The following LYSMD2 variants were observed in gnomAD, a reference collection of about 807,000 sequenced individuals.
The protein encoded by LYSMD2 is lysM and putative peptidoglycan-binding domain-containing protein 2.
LYSMD2 carries 6 observed loss-of-function variants against 17.7 expected under a neutral mutation model. The ratio of observed to expected loss-of-function variants is 0.34; its 90% CI spans 0.19 to 0.67. The LOEUF is 0.67. Among genes scored for constraint, LYSMD2 ranks in the 30% least tolerant of loss-of-function variants. The probability of loss-of-function intolerance (pLI) is 0.69; values close to 1 mark genes in which losing one functional copy is unlikely to be tolerated. For synonymous variants in LYSMD2, 102 were observed against 129.8 expected, an observed-to-expected ratio of 0.79 and a Z score of 1.45; for missense variants, 237 against 286.7, an observed-to-expected ratio of 0.83 and a Z score of 1.25.
At chr15:51,743,757 T>C (rs2055654115) in intron 1 of LYSMD2, among the ~76,000 whole-genome samples, 1 of 152,236 alleles carries the variant, frequency 6.6e-6, no homozygotes. Context: ...GAACATGGAA[T>C]ACCTCCCCAT....
At chr15:51,747,875 T>C (rs982728901) in intron 1 of LYSMD2, among the ~76,000 whole-genome samples, 1 of 152,244 alleles carries the variant, frequency 6.6e-6, no homozygotes. Context: ...ACTGCTCCTT[T>C]AGTCTTTATC....
At chr15:51,731,798 C>A (rs895861868) in intron 1 of LYSMD2, among the ~76,000 whole-genome samples, 2 of 152,146 alleles carry the variant, frequency 1.3e-5, no homozygotes, top group Non-Finnish European at 2.9e-5. Flanking sequence ...TGGTCAATTT[C>A]CTCCAGAGGC....
In LYSMD2 at chr15:51,737,053, G is replaced by A. The variant is rs566196884; in HGVS notation, c.273+297C>T. On this transcript the variant is annotated intron_variant, in intron 1 of 2. Coordinates refer to ENST00000267838, the MANE Select transcript of LYSMD2 (RefSeq NM_153374.3). The surrounding 1 kb of genome is among the most constrained non-coding windows in gnomAD (Gnocchi z 4.2). Reference sequence around the variant, plus strand: ...CCTCTTCGGCCTCCCTCACGCGACAGATCTAGTCTGAGCCTGGGCGGGGCA... The same window carrying A: ...CCTCTTCGGCCTCCCTCACGCGACAAATCTAGTCTGAGCCTGGGCGGGGCA... Among the ~76,000 whole-genome samples, 7 of 152,238 alleles carry A rather than the reference G, an allele frequency of 4.6e-5. No individual in the cohort carries two copies. Among genetic ancestry groups the A allele is most frequent in the African/African-American group, 1.7e-4 (7 of 41,472 alleles).
chr15:51,742,236 C>T (rs955307586), upstream of LYSMD2, among the ~76,000 whole-genome samples: 1 of 152,056 alleles, frequency 6.6e-6, no homozygotes, highest in Non-Finnish European at 1.5e-5. Flanking sequence ...GATGGGGTTT[C>T]GCCATGTTGG....
At position 51,751,373 on chromosome 15, in the gene LYSMD2, A is replaced by G; in HGVS notation, c.-103T>C. The G allele has an allele frequency of 8.5e-6, 6 of 702,370 alleles. No homozygotes were observed. In the South Asian group the frequency reaches 8.9e-5, roughly 10 times the overall value. The allele number at this position is 702,370 out of a possible 1,614,324, so 43.5% of individuals were successfully genotyped here. A position where few individuals can be genotyped will look rare whatever the true frequency, so the allele number is the denominator to read the frequency against. Reference sequence around the variant, plus strand: ...GCCATCCACGCTCTCCGGAGCCCCGAGCGTCTCCAAAGAGCCTGCCCAGGC... The same window carrying G: ...GCCATCCACGCTCTCCGGAGCCCCGGGCGTCTCCAAAGAGCCTGCCCAGGC... On this transcript the variant is annotated 5_prime_UTR_variant, in exon 1 of 3. Coordinates refer to the LYSMD2 transcript ENST00000454181.
chr15:51,731,063 G>C (rs974703793), intron 1 of LYSMD2, among the ~76,000 whole-genome samples: 1 of 152,232 alleles, frequency 6.6e-6, no homozygotes, highest in South Asian at 2.1e-4. Context: ...ATTGGTGGTA[G>C]TCTGAGACTG....
intron 1 of LYSMD2, among the ~76,000 whole-genome samples, chr15:51,733,033 T>A: frequency 6.6e-6 from 1 of 152,180 alleles, no homozygotes; most frequent in Non-Finnish European, 1.5e-5. Context: ...CTTACAATGG[T>A]CTTCAAGGTC....
intron 1 of LYSMD2, among the ~76,000 whole-genome samples, chr15:51,733,210 T>C (rs1019847013): frequency 6.6e-6 from 1 of 151,920 alleles, no homozygotes; most frequent in African/African-American, 2.4e-5. Context: ...CCTTACCTCC[T>C]TCTCAGCAAG....
At chr15:51,742,599 G>C (rs190338536), upstream of LYSMD2, among the ~76,000 whole-genome samples, 3 of 152,146 alleles carry the variant, frequency 2.0e-5, no homozygotes, top group Non-Finnish European at 4.4e-5. Flanking sequence ...TTGTTTCCCA[G>C]TCTGTGGCTT....
chr15:51,741,834 C>A (rs1392152737), upstream of LYSMD2, among the ~76,000 whole-genome samples: 1 of 151,866 alleles, frequency 6.6e-6, no homozygotes, highest in East Asian at 1.9e-4. Flanking sequence ...GCAGAAGAAT[C>A]GCTTGAACCT....
At chr15:51,729,346 G>A (rs73405351) in intron 1 of LYSMD2, among the ~76,000 whole-genome samples, 1,542 of 152,348 alleles carry the variant, frequency 0.01, 17 homozygotes, top group African/African-American at 0.022. Context: ...TCAGCAGCTG[G>A]GTGCAGAAAA....
Position 51,724,976 on chromosome 15 carries a change from T to A in LYSMD2, c.419A>T (p.Asp140Val), listed in dbSNP as rs370464149. The change falls in exon 2 of 3, where the codon GAT becomes GTT. Residue 140 changes from aspartate to valine, a missense_variant. Physicochemically the swap from Asp to Val is radical, Grantham distance 152. Transcript: ENST00000267838. ...SIDSPENETADNSFSQEEEPV... is the reference protein window; with the variant it reads ...SIDSPENETAVNSFSQEEEPV... ...CTCCTCTTCCTGAGAAAAACTGTTA[T>A]CAGCAGTTTCATTTTCTGGAGAATC... 6.2e-7 allele frequency: 1 copy of A among 1,614,166 alleles called. No homozygotes were observed.
At chr15:51,745,949 T>A (rs2055665664) in intron 1 of LYSMD2, among the ~76,000 whole-genome samples, 1 of 152,184 alleles carries the variant, frequency 6.6e-6, no homozygotes, top group African/African-American at 2.4e-5. Flanking sequence ...AAAAAGACAT[T>A]AACGAGTGTT....
chr15:51,739,817 C>T (rs2055634185), upstream of LYSMD2, among the ~76,000 whole-genome samples: 1 of 152,090 alleles, frequency 6.6e-6, no homozygotes, highest in Non-Finnish European at 1.5e-5. Flanking sequence ...GTTCCAGCTA[C>T]TTGGGAAAGT....
chr15:51,737,322 C>G lies in LYSMD2; in HGVS notation c.273+28G>C, dbSNP rs1397714639. On this transcript the variant is annotated intron_variant, in intron 1 of 2. Transcript: ENST00000267838. The surrounding 1 kb of genome is among the most constrained non-coding windows in gnomAD (Gnocchi z 4.2). ...CGCCTCCTGCGCGGTAGCTGCCAGC[C>G]CGGGCCGCGGCGGCGCGCCCTGCTC... The G allele has an allele frequency of 7.6e-7, 1 of 1,320,512 alleles. No individual in the cohort carries two copies. Among genetic ancestry groups the G allele is most frequent in the Admixed American group, 3.8e-5 (1 of 26,110 alleles). The allele number at this position is 1,320,512 out of a possible 1,614,324, so 81.8% of individuals were successfully genotyped here.
At chr15:51,745,339 C>G (rs1021041283) in intron 1 of LYSMD2, among the ~76,000 whole-genome samples, 5 of 152,008 alleles carry the variant, frequency 3.3e-5, no homozygotes, top group African/African-American at 1.2e-4. Flanking sequence ...AATGTAGACA[C>G]AAAAATTCTC....
chr15:51,737,633 G>A lies in LYSMD2; in HGVS notation c.-11C>T, dbSNP rs2055620173. 1.7e-6 allele frequency: 2 copies of A among 1,205,552 alleles called. No individual in the cohort carries two copies. Among genetic ancestry groups the A allele is most frequent in the East Asian group, 6.9e-5 (2 of 29,080 alleles). 74.7% of individuals were successfully genotyped at this position (1,205,552 alleles called of 1,614,324 possible). On this transcript the variant is annotated 5_prime_UTR_variant, in exon 1 of 3. Coordinates refer to ENST00000267838, the MANE Select transcript of LYSMD2 (RefSeq NM_153374.3). This position sits in a 1 kb window ranked among gnomAD's most constrained non-coding sequence, Gnocchi z 4.2. ...CGAGGAATCCGCCATGGGTCCTGCCGAGGCCGCCGGGTCGGGGAGCTTGCC... is the reference window on the plus strand; with the variant it reads ...CGAGGAATCCGCCATGGGTCCTGCCAAGGCCGCCGGGTCGGGGAGCTTGCC...
rs1270555564 is a variant in LYSMD2 at position 51,737,471 on chromosome 15, G to T, written c.152C>A (p.Ser51Ter). Residue 51 changes from serine (S) to a stop codon, truncating the protein, a stop_gained, in exon 1 of 3, where the codon TCG (serine) becomes TAG (stop). Transcript: ENST00000267838. LOFTEE classifies it high-confidence loss of function. The surrounding 1 kb of genome is among the most constrained non-coding windows in gnomAD (Gnocchi z 4.2). ...SLSLARTKTR[S>*]YGSTASVRAP... ...CCGCACGCTGGCGGTGCTGCCGTAC[G>T]AGCGGGTCTTGGTGCGGGCCAGGCT... The T allele has an allele frequency of 4.9e-6, 7 of 1,422,394 alleles. No individual in the cohort carries two copies. Among genetic ancestry groups the T allele is most frequent in the Non-Finnish European group, 6.4e-6 (7 of 1,090,516 alleles). 88.1% of individuals were successfully genotyped at this position (1,422,394 alleles called of 1,614,324 possible). A position where few individuals can be genotyped will look rare whatever the true frequency, so the allele number is the denominator to read the frequency against.
At chr15:51,734,668 T>G (rs775146845) in intron 1 of LYSMD2, among the ~76,000 whole-genome samples, 11 of 152,202 alleles carry the variant, frequency 7.2e-5, no homozygotes, top group Non-Finnish European at 1.6e-4. Flanking sequence ...TGAACTGACT[T>G]AATTTCTAGG....
Sources: gnomAD v4.1 joint callset for allele counts (sites outside exome capture counted in the v4.1 genomes callset) on GRCh38, gnomAD v4.1.1 for gene constraint, Gnocchi (gnomAD v3.1) non-coding constraint, MANE v1.5 for transcripts, NCBI Gene and HGNC (gene_info 2026-07-23, HGNC 2026-07-21) for gene names.